Variants in DMD observed in about 807,000 individuals in gnomAD.
DMD encodes mutant dystrophin.
A neutral mutation model predicts 330.1 loss-of-function variants in DMD; 63 were observed. The observed-to-expected ratio is 0.19, with a 90% CI of 0.16 to 0.24. The LOEUF is 0.24. Among genes scored for constraint, DMD ranks in the 10% least tolerant of loss-of-function variants. The probability of loss-of-function intolerance (pLI) is 1.00; values close to 1 mark genes in which losing one functional copy is unlikely to be tolerated. For missense variants in DMD, 3,344 were observed against 2,684.1 expected (o/e 1.25, Z -5.43); for synonymous variants, 1,223 against 959.8 (o/e 1.27, Z -5.07).
At chrX:32,836,887 A>T (rs1423799159) in intron 4 of DMD, among the ~76,000 whole-genome samples, 4 of 111,720 alleles carry the variant, frequency 3.6e-5, no homozygotes, top group East Asian at 5.6e-4. Context: ...GTGGCAGGAA[A>T]TTTTTTTTAC....
chrX:32,814,248 T>C (rs1270162598), intron 6 of DMD, among the ~76,000 whole-genome samples: 2 of 112,520 alleles, frequency 1.8e-5, no homozygotes, highest in African/African-American at 6.5e-5. Context: ...TTTGTACATA[T>C]TTCTAAGCAA....
chrX:31,124,024 C>A (rs1010249727), intron 78 of DMD, among the ~76,000 whole-genome samples: 3 of 111,777 alleles, frequency 2.7e-5, no homozygotes, highest in African/African-American at 9.8e-5. Context: ...AAGGAAAATT[C>A]TTGAGTCTCT....
intron 54 of DMD, among the ~76,000 whole-genome samples, chrX:31,631,221 C>A (rs971387343): frequency 3.6e-5 from 4 of 110,280 alleles, no homozygotes; most frequent in South Asian, 7.9e-4. Flanking sequence ...TTGCCAGGAA[C>A]CAGATTTGAG....
At chrX:32,692,198 T>C (rs749403087) in intron 9 of DMD, among the ~76,000 whole-genome samples, 25 of 112,410 alleles carry the variant, frequency 2.2e-4, no homozygotes, top group African/African-American at 7.8e-4. Context: ...AGTTAAACGA[T>C]AAGAGTGTAA....
chrX:32,624,252 G>A (rs1283781172), intron 11 of DMD, among the ~76,000 whole-genome samples: 2 of 111,765 alleles, frequency 1.8e-5, no homozygotes, highest in Admixed American at 1.9e-4. Context: ...ATATATGACT[G>A]GCAATAGAGA....
chrX:33,063,563 G>T (rs2094607122), intron 1 of DMD, among the ~76,000 whole-genome samples: 1 of 111,567 alleles, frequency 9.0e-6, no homozygotes, highest in African/African-American at 3.3e-5. Context: ...GGAATTCCCT[G>T]GTTTTGCTCC....
intron 1 of DMD, among the ~76,000 whole-genome samples, chrX:33,049,290 C>T (rs755632044): frequency 9.0e-6 from 1 of 111,721 alleles, no homozygotes; most frequent in South Asian, 3.7e-4. Context: ...TATCCCTCGA[C>T]GTGCACCACT....
intron 57 of DMD, among the ~76,000 whole-genome samples, chrX:31,488,632 ATCTT>A (rs751357860): frequency 9.0e-6 from 1 of 111,679 alleles, no homozygotes; most frequent in African/African-American, 3.3e-5. Context: ...CATTCTATCT[ATCTT>A]AAGTTCTATC....
chrX:31,571,255 GT>G (rs1416451342), intron 55 of DMD, among the ~76,000 whole-genome samples: 1 of 14,453 alleles, frequency 6.9e-5, no homozygotes, highest in Non-Finnish European at 1.0e-4. Flanking sequence ...ATTTAAAGGG[GT>G]GTGTGTGTGT....
intron 17 of DMD, among the ~76,000 whole-genome samples, chrX:32,532,259 C>T (rs760262272): frequency 1.8e-4 from 20 of 111,726 alleles, no homozygotes; most frequent in Admixed American, 1.5e-3. Flanking sequence ...TCAAGTGTTG[C>T]CATGGGACAC....
chrX:32,105,550 G>A (rs1486955176), intron 44 of DMD, among the ~76,000 whole-genome samples: 1 of 111,548 alleles, frequency 9.0e-6, no homozygotes, highest in East Asian at 2.8e-4. Flanking sequence ...ATATGATAGA[G>A]GTAGACTTTC....
intron 11 of DMD, among the ~76,000 whole-genome samples, chrX:32,620,269 T>G (rs1376549308): frequency 8.9e-6 from 1 of 111,970 alleles, no homozygotes; most frequent in Non-Finnish European, 1.9e-5. Flanking sequence ...TATGTAATGT[T>G]ACATACCACT....
chrX:31,604,555 G>T (rs1009306785), intron 55 of DMD, among the ~76,000 whole-genome samples: 1 of 111,882 alleles, frequency 8.9e-6, no homozygotes, highest in Admixed American at 9.5e-5. Context: ...GAAGATGCAC[G>T]TTCTATACAG....
chrX:32,896,719 A>G (rs1378335959), intron 2 of DMD, among the ~76,000 whole-genome samples: 1 of 112,655 alleles, frequency 8.9e-6, no homozygotes, highest in African/African-American at 3.2e-5. Context: ...GCAACTAAAC[A>G]TGTCTCATTT....
At chrX:32,754,171 T>A (rs1353084041) in intron 7 of DMD, among the ~76,000 whole-genome samples, 1 of 91,215 alleles carries the variant, frequency 1.1e-5, no homozygotes, top group Admixed American at 1.2e-4. Flanking sequence ...CCTTTTTAAA[T>A]ACTTTTACAT....
intron 63 of DMD, among the ~76,000 whole-genome samples, chrX:31,242,700 A>ATGTGTGTGTGTG (rs3138883): frequency 8.4e-4 from 80 of 95,103 alleles, no homozygotes; most frequent in East Asian, 3.1e-3. Context: ...ACAATAAGAT[A>ATGTGTGTGTGTG]TGTGTGTGTG....
chrX:31,920,719 C>A (rs1027049289), intron 47 of DMD, among the ~76,000 whole-genome samples: 1 of 112,084 alleles, frequency 8.9e-6, no homozygotes, highest in Non-Finnish European at 1.9e-5. Flanking sequence ...TACTCTTCAT[C>A]ATTTTAAATC....
intron 76 of DMD, among the ~76,000 whole-genome samples, chrX:31,140,283 T>C (rs933269179): frequency 8.9e-6 from 1 of 112,767 alleles, no homozygotes; most frequent in Non-Finnish European, 1.9e-5. Context: ...GAATTACTCC[T>C]GTGTTTTTGT....
At chrX:31,493,753 G>T (rs1348932350) in intron 57 of DMD, among the ~76,000 whole-genome samples, 3 of 112,075 alleles carry the variant, frequency 2.7e-5, no homozygotes, top group Non-Finnish European at 3.8e-5. Context: ...AGATTATTCT[G>T]ACTGAAATGT....
Sources: gnomAD v4.1 joint callset for allele counts (sites outside exome capture counted in the v4.1 genomes callset) on GRCh38, gnomAD v4.1.1 for gene constraint, MANE v1.5 for transcripts, NCBI Gene and HGNC (gene_info 2026-07-23, HGNC 2026-07-21) for gene names.